Variants in SPMIP7 observed in about 807,000 individuals in gnomAD.
The protein encoded by SPMIP7 is sperm microtubule inner protein 7.
the SPMIP7 span, among the ~76,000 whole-genome samples, chr7:50,106,206 C>A: frequency 1.8e-4 from 27 of 152,136 alleles, no homozygotes; most frequent in Non-Finnish European, 3.4e-4. Context: ...AGAGGATAGA[C>A]TCTCTAAAAT....
At chr7:50,136,276 C>A in the SPMIP7 span, 1 of 768,634 alleles carries the variant, frequency 1.3e-6, no homozygotes, top group South Asian at 1.6e-5. Flanking sequence ...GGGATATGTT[C>A]TCTGATGGAG....
At chr7:50,113,503 A>G in the SPMIP7 span, among the ~76,000 whole-genome samples, 1 of 152,202 alleles carries the variant, frequency 6.6e-6, no homozygotes, top group Non-Finnish European at 1.5e-5. Context: ...TGATATGAAG[A>G]TACAAACGGA....
chr7:50,130,229 A>G, the SPMIP7 span, among the ~76,000 whole-genome samples: 4 of 152,244 alleles, frequency 2.6e-5, no homozygotes, highest in East Asian at 3.9e-4. Flanking sequence ...TCACTCTGCT[A>G]ATAAAGACAT....
the SPMIP7 span, among the ~76,000 whole-genome samples, chr7:50,108,014 T>C: frequency 6.6e-6 from 1 of 152,334 alleles, no homozygotes; most frequent in African/African-American, 2.4e-5. Flanking sequence ...TCTTGTTAAA[T>C]ATGAAGCAAT....
chr7:50,096,768 T>C, the SPMIP7 span: 4 of 732,884 alleles, frequency 5.5e-6, no homozygotes, highest in Non-Finnish European at 8.2e-6. Flanking sequence ...ATTTTTAAAT[T>C]ACAGATTATA....
the SPMIP7 span, among the ~76,000 whole-genome samples, chr7:50,103,907 C>T: frequency 6.6e-6 from 1 of 152,194 alleles, no homozygotes; most frequent in Non-Finnish European, 1.5e-5. Flanking sequence ...CTTCCAATTA[C>T]AGTGTACTAA....
At chr7:50,127,995 C>A in the SPMIP7 span, among the ~76,000 whole-genome samples, 1,310 of 151,952 alleles carry the variant, frequency 8.6e-3, 9 homozygotes, top group Non-Finnish European at 0.013. Context: ...AACAATATAT[C>A]GAAAAGATAT....
the SPMIP7 span, among the ~76,000 whole-genome samples, chr7:50,141,019 C>T: frequency 6.6e-6 from 1 of 152,224 alleles, no homozygotes; most frequent in Non-Finnish European, 1.5e-5. Flanking sequence ...CTTCTTTGTT[C>T]AGAAACACAA....
At chr7:50,151,458 A>T in the SPMIP7 span, 1 of 1,550,620 alleles carries the variant, frequency 6.4e-7, no homozygotes, top group East Asian at 2.4e-5. Context: ...AGTGCTGCAA[A>T]TATTCCAGGA....
chr7:50,141,473 A>C, the SPMIP7 span: 1 of 867,402 alleles, frequency 1.2e-6, no homozygotes, highest in Non-Finnish European at 1.9e-6. Flanking sequence ...GAAGGAATTT[A>C]AACGTGGCTT....
At chr7:50,111,461 T>C in the SPMIP7 span, among the ~76,000 whole-genome samples, 1 of 152,168 alleles carries the variant, frequency 6.6e-6, no homozygotes, top group Non-Finnish European at 1.5e-5. Context: ...GTTCTCTACC[T>C]GGCTGGCACC....
At chr7:50,146,996 TCA>T in the SPMIP7 span, among the ~76,000 whole-genome samples, 135 of 152,328 alleles carry the variant, frequency 8.9e-4, no homozygotes, top group South Asian at 1.4e-3. Flanking sequence ...AGGTCTAAGT[TCA>T]CACAGCTGGT....
chr7:50,155,861 C>G, the SPMIP7 span, among the ~76,000 whole-genome samples: 1 of 148,118 alleles, frequency 6.8e-6, no homozygotes, highest in Non-Finnish European at 1.5e-5. Flanking sequence ...GCACATACAG[C>G]TCTCATCCAT....
the SPMIP7 span, among the ~76,000 whole-genome samples, chr7:50,114,257 A>G: frequency 6.6e-6 from 1 of 152,144 alleles, no homozygotes; most frequent in Non-Finnish European, 1.5e-5. Flanking sequence ...ATAAAATACT[A>G]TTTTTCATCT....
the SPMIP7 span, among the ~76,000 whole-genome samples, chr7:50,105,614 A>G: frequency 6.6e-6 from 1 of 152,222 alleles, no homozygotes; most frequent in Middle Eastern, 3.2e-3. Flanking sequence ...TTTAAAGTAT[A>G]TGTCCTCAAT....
chr7:50,133,941 C>T, the SPMIP7 span, among the ~76,000 whole-genome samples: 10 of 152,120 alleles, frequency 6.6e-5, no homozygotes, highest in African/African-American at 2.4e-4. Flanking sequence ...ATCATAATCA[C>T]TTGCTCTGCC....
At chr7:50,123,844 G>A in the SPMIP7 span, among the ~76,000 whole-genome samples, 2 of 151,904 alleles carry the variant, frequency 1.3e-5, no homozygotes, top group Non-Finnish European at 2.9e-5. Context: ...GGGTTTTCCA[G>A]AAGCCAGTAA....
At chr7:50,111,052 GTTATA>G in the SPMIP7 span, among the ~76,000 whole-genome samples, 4 of 143,126 alleles carry the variant, frequency 2.8e-5, no homozygotes, top group African/African-American at 1.0e-4. Flanking sequence ...TATATATGAT[GTTATA>G]TTATCATATA....
chr7:50,129,397 G>T, the SPMIP7 span, among the ~76,000 whole-genome samples: 7 of 151,860 alleles, frequency 4.6e-5, no homozygotes, highest in Non-Finnish European at 1.0e-4. Flanking sequence ...AAGACAATAC[G>T]TTCTAAAATT....
Sources: gnomAD v4.1 joint callset for allele counts (sites outside exome capture counted in the v4.1 genomes callset) on GRCh38, gnomAD v4.1.1 for gene constraint, MANE v1.5 for transcripts, NCBI Gene and HGNC (gene_info 2026-07-23, HGNC 2026-07-21) for gene names.